TMCO4: variants seen among roughly 807,000 people sequenced by gnomAD.
The protein encoded by TMCO4 is transmembrane and coiled-coil domains 4, also known as transmembrane and coiled-coil domain-containing protein 4.
Under a neutral mutation model 64.7 loss-of-function variants are expected in TMCO4, and 58 were observed. The ratio of observed to expected loss-of-function variants is 0.90; its 90% CI spans 0.73 to 1.12. TMCO4 has a LOEUF of 1.12. Among genes scored for constraint, TMCO4 ranks in the 50% most tolerant of loss-of-function variants. The probability of loss-of-function intolerance (pLI) is 0.00; values close to 1 mark genes in which losing one functional copy is unlikely to be tolerated. For missense variants in TMCO4, 780 were observed against 825.9 expected (o/e 0.94, Z 0.68); for synonymous variants, 325 against 346.1 (o/e 0.94, Z 0.68).
chr1:19,790,081 C>G (rs1180627043), intron 2 of TMCO4, among the ~76,000 whole-genome samples: 1 of 150,778 alleles, frequency 6.6e-6, no homozygotes, highest in Non-Finnish European at 1.5e-5. Flanking sequence ...AAAAGAGATT[C>G]CCTATTTAGT....
intron 13 of TMCO4, among the ~76,000 whole-genome samples, chr1:19,708,478 G>T (rs1285793861): frequency 1.3e-5 from 2 of 151,406 alleles, no homozygotes; most frequent in African/African-American, 2.4e-5. Flanking sequence ...CTAGAGCCTT[G>T]ATCTCAAAAA....
chr1:19,700,652 G>A lies in TMCO4; in HGVS notation c.1382+116C>T, dbSNP rs116070978. ...CAGGGCCGGTGCCCGGCCGGTTCCT[G>A]GGATCTTCCAGGACAGGGATTAGGT... is the stretch of plus-strand genomic sequence containing the variant. On this transcript the variant is annotated intron_variant, in intron 14 of 15. Coordinates refer to ENST00000294543, the MANE Select transcript of TMCO4 (RefSeq NM_181719.7). 2.2e-3 allele frequency: 2,223 copies of A among 1,013,844 alleles called. 39 individuals are homozygous for A. In the African/African-American group the frequency reaches 0.03, roughly 14 times the overall value. 62.8% of individuals were successfully genotyped at this position (1,013,844 alleles called of 1,614,324 possible).
At chr1:19,730,329 C>T (rs958588028) in intron 13 of TMCO4, among the ~76,000 whole-genome samples, 11 of 152,188 alleles carry the variant, frequency 7.2e-5, no homozygotes, top group Admixed American at 2.0e-4. Flanking sequence ...CCCCTGGGTA[C>T]CCAGACAGCA....
At chr1:19,725,945 T>A (rs2095406960) in intron 13 of TMCO4, among the ~76,000 whole-genome samples, 1 of 152,176 alleles carries the variant, frequency 6.6e-6, no homozygotes, top group East Asian at 1.9e-4. Context: ...GCCAAGGCAG[T>A]TCGAGCCTTG....
At chr1:19,770,708 A>G in intron 5 of TMCO4, 139 bp from the exon 6 acceptor site, 1 of 796,806 alleles carries the variant, frequency 1.3e-6, no homozygotes, top group South Asian at 1.8e-5. Context: ...CGTGAGCCAG[A>G]TGATAAACAG....
intron 13 of TMCO4, among the ~76,000 whole-genome samples, chr1:19,715,489 G>C (rs1172054361): frequency 2.0e-5 from 3 of 152,164 alleles, no homozygotes; most frequent in Non-Finnish European, 4.4e-5. Context: ...CTGTCACAGC[G>C]AGTATCTGAT....
rs142603109 is a variant in TMCO4, at chr1:19,778,244, ATATTTATTTATTTATT to A, written c.179+2320_179+2335del. 9.4e-4 allele frequency among the ~76,000 whole-genome samples: 137 copies of A among 146,364 alleles called. 4 individuals carry two copies. The highest frequency in any genetic ancestry group is 1.3e-3 in the South Asian group (6 of 4,564). On this transcript the variant is annotated intron_variant, in intron 4 of 15. Coordinates refer to ENST00000294543, the MANE Select transcript of TMCO4 (RefSeq NM_181719.7). ...CTTTGTCTACATCATCTCATTATTTATATTTATTTATTTATTTATTTATTTATTTATTTATTTATTT... is the reference window on the plus strand; with the variant it reads ...CTTTGTCTACATCATCTCATTATTTATATTTATTTATTTATTTATTTATTT...
intron 13 of TMCO4, among the ~76,000 whole-genome samples, chr1:19,719,021 C>T (rs1239127631): frequency 6.6e-6 from 1 of 152,132 alleles, no homozygotes; most frequent in African/African-American, 2.4e-5. Flanking sequence ...TCCAAGTACC[C>T]CGGTACTCAT....
chr1:19,779,483 C>T (rs964046778), intron 4 of TMCO4, among the ~76,000 whole-genome samples: 1 of 152,236 alleles, frequency 6.6e-6, no homozygotes, highest in African/African-American at 2.4e-5. Flanking sequence ...AGCCCATGCT[C>T]TTAACAGTTC....
chr1:19,795,257 G>A (rs533525013), intron 2 of TMCO4, among the ~76,000 whole-genome samples: 2 of 152,086 alleles, frequency 1.3e-5, no homozygotes, highest in East Asian at 1.9e-4. Flanking sequence ...GATCACCTGA[G>A]GTCAGGAGTT....
At chr1:19,709,573 C>T (rs2095320468) in intron 13 of TMCO4, among the ~76,000 whole-genome samples, 1 of 152,106 alleles carries the variant, frequency 6.6e-6, no homozygotes, top group African/African-American at 2.4e-5. Context: ...ACTCAAGGGT[C>T]AGGATGTTTA....
In TMCO4 at chr1:19,732,492, G is replaced by A. The variant is rs1377863719; in HGVS notation, c.1264+4880C>T. Among the ~76,000 whole-genome samples the A allele has an allele frequency of 6.6e-6, 1 of 152,146 alleles. No homozygotes were observed. Among genetic ancestry groups the A allele is most frequent in the Admixed American group, 6.5e-5 (1 of 15,278 alleles). ...CAGTGTGTTCTTGACCAAAGTCAAG[G>A]CACAGGATGACCAGCGTCCTTTCTC... On this transcript the variant is annotated intron_variant, in intron 13 of 15. Transcript: ENST00000294543. This position sits in a 1 kb window ranked among gnomAD's most constrained non-coding sequence, Gnocchi z 4.8.
chr1:19,774,560 A>AT (rs1193083888), intron 4 of TMCO4, among the ~76,000 whole-genome samples: 1 of 152,232 alleles, frequency 6.6e-6, no homozygotes, highest in Non-Finnish European at 1.5e-5. Context: ...AATTAAAAAA[A>AT]ATATATATGC....
At chr1:19,766,332 A>T (rs1207773794) in intron 6 of TMCO4, among the ~76,000 whole-genome samples, 1 of 152,172 alleles carries the variant, frequency 6.6e-6, no homozygotes, top group Non-Finnish European at 1.5e-5. Flanking sequence ...TCCTTACAAG[A>T]TCCTTGTAAG....
At chr1:19,780,538 TG>T in intron 4 of TMCO4, 41 bp downstream of exon 4, 1 of 1,544,848 alleles carries the variant, frequency 6.5e-7, no homozygotes, top group Admixed American at 2.0e-5. Flanking sequence ...GTTGTTCCCC[TG>T]AAGAAGCATG....
intron 13 of TMCO4, among the ~76,000 whole-genome samples, chr1:19,715,483 C>T (rs968628038): frequency 6.6e-6 from 1 of 152,184 alleles, no homozygotes; most frequent in African/African-American, 2.4e-5. Context: ...AATCACCTGT[C>T]ACAGCGAGTA....
chr1:19,754,795 G>A (rs2042170512), intron 7 of TMCO4, among the ~76,000 whole-genome samples: 1 of 152,174 alleles, frequency 6.6e-6, no homozygotes, highest in Non-Finnish European at 1.5e-5. Context: ...GACACGTCGG[G>A]GAAGGGGAGG....
chr1:19,695,817 C>A (rs1346765724), intron 14 of TMCO4, among the ~76,000 whole-genome samples: 1 of 152,182 alleles, frequency 6.6e-6, no homozygotes, highest in African/African-American at 2.4e-5. Context: ...GACTCTCCTG[C>A]TGTGTCCCGA....
At chr1:19,692,484 C>A (rs1317048797) in intron 15 of TMCO4, among the ~76,000 whole-genome samples, 1 of 149,868 alleles carries the variant, frequency 6.7e-6, no homozygotes, top group Non-Finnish European at 1.5e-5. Flanking sequence ...AATCCCAGCA[C>A]TTTGGGAGGC....
Sources: allele counts gnomAD v4.1 joint callset (sites outside exome capture counted in the v4.1 genomes callset), GRCh38; gene constraint gnomAD v4.1.1; non-coding constraint Gnocchi (gnomAD v3.1); transcripts MANE v1.5; gene names NCBI Gene and HGNC (gene_info 2026-07-23, HGNC 2026-07-21).